FLVCR2: variants seen among roughly 807,000 people sequenced by gnomAD.
FLVCR2 encodes the protein choline/ethanolamine transporter FLVCR2.
A neutral mutation model predicts 48.9 loss-of-function variants in FLVCR2; 38 were observed. The observed-to-expected ratio is 0.78, with a 90% confidence interval of 0.60 to 1.02. FLVCR2 has a LOEUF of 1.02. Ranked by LOEUF, FLVCR2 falls within the 50% of genes least tolerant of loss-of-function variation. FLVCR2 has a pLI of 0.00. For missense variants in FLVCR2, 664 were observed against 663.3 expected, an observed-to-expected ratio of 1.00 and a Z score of -0.01; for synonymous variants, 255 against 257.0, an observed-to-expected ratio of 0.99 and a Z score of 0.07.
intron 1 of FLVCR2, among the ~76,000 whole-genome samples, chr14:75,583,393 C>CT (rs1888660486): frequency 6.6e-6 from 1 of 152,070 alleles, no homozygotes; most frequent in Non-Finnish European, 1.5e-5. Flanking sequence ...GGCTTTAATC[C>CT]TTTTAAAGCA....
rs370392569 is a variant in FLVCR2 at position 75,588,574 on chromosome 14, C to G, written c.669+8933C>G. ...CTTGGCTCACTGCAATCTCCACTTC[C>G]CGATTCAAGCAATTCTGCCTCAGCC... On this transcript the variant is annotated intron_variant, in intron 1 of 9. Coordinates refer to ENST00000238667, the MANE Select transcript of FLVCR2 (RefSeq NM_017791.3). Among the ~76,000 whole-genome samples, 3 of 152,242 alleles carry G rather than the reference C, an allele frequency of 2.0e-5. No individual in the cohort carries two copies. In the South Asian group the frequency reaches 6.2e-4, roughly 32 times the overall value.
At chr14:75,588,555 T>A (rs1384128703) in intron 1 of FLVCR2, among the ~76,000 whole-genome samples, 3 of 152,198 alleles carry the variant, frequency 2.0e-5, no homozygotes. Flanking sequence ...GCATCTTGGC[T>A]CACTGCAATC....
chr14:75,580,535 C>G (rs1364967391), intron 1 of FLVCR2, among the ~76,000 whole-genome samples: 1 of 152,228 alleles, frequency 6.6e-6, no homozygotes, highest in African/African-American at 2.4e-5. Context: ...ACCAAACAGG[C>G]TTTGTGTGAG....
chr14:75,633,248 G>C (rs961220216), intron 3 of FLVCR2, among the ~76,000 whole-genome samples: 2 of 152,152 alleles, frequency 1.3e-5, no homozygotes, highest in African/African-American at 4.8e-5. Flanking sequence ...AAGGGGCAGG[G>C]TCATCAGGAA....
chr14:75,589,287 A>G (rs550473250), intron 1 of FLVCR2, among the ~76,000 whole-genome samples: 1 of 152,376 alleles, frequency 6.6e-6, no homozygotes, highest in African/African-American at 2.4e-5. Flanking sequence ...GATAGGATAG[A>G]CATTCACACA....
chr14:75,633,606 G>A (rs199607525), intron 3 of FLVCR2, 23 bp from the exon 4 acceptor site: 1 of 1,603,578 alleles, frequency 6.2e-7, no homozygotes, highest in Non-Finnish European at 8.5e-7. Flanking sequence ...CCCTAATGTT[G>A]TATTTCTCGC....
Position 75,641,215 on chromosome 14 carries a change from C to A in FLVCR2, c.1375C>A (p.Gln459Lys). The A allele has an allele frequency of 6.2e-7, 1 of 1,613,946 alleles. No homozygotes were observed. Among genetic ancestry groups the A allele is most frequent in the Non-Finnish European group, 8.5e-7 (1 of 1,179,860 alleles). Residue 459 changes from glutamine (Q) to lysine (K), a missense_variant, in exon 8 of 10, where the codon CAG (glutamine) becomes AAG (lysine). Coordinates refer to ENST00000238667, the MANE Select transcript of FLVCR2 (RefSeq NM_017791.3). ...FGIIFTISQG[Q>K]IIDNYGTKPG... ...GATCATCTTTACCATCTCCCAGGGC[C>A]AGATTATTGACAACTATGGAACCAA...
At chr14:75,609,404 A>G (rs899332998) in intron 1 of FLVCR2, among the ~76,000 whole-genome samples, 1 of 152,190 alleles carries the variant, frequency 6.6e-6, no homozygotes, top group African/African-American at 2.4e-5. Context: ...GGCCAGATCT[A>G]ATGGTGCTGC....
chr14:75,643,204 A>G (rs1323170346), intron 9 of FLVCR2, among the ~76,000 whole-genome samples: 1 of 152,244 alleles, frequency 6.6e-6, no homozygotes, highest in Admixed American at 6.5e-5. Flanking sequence ...CTTTATACGG[A>G]TAAGCCATGA....
intron 1 of FLVCR2, among the ~76,000 whole-genome samples, chr14:75,589,198 A>G (rs937320426): frequency 2.0e-5 from 3 of 152,040 alleles, no homozygotes; most frequent in Admixed American, 2.0e-4. Flanking sequence ...CCTTGGTGAC[A>G]GAGAGAGAGA....
Position 75,578,992 on chromosome 14 carries a change from A to T in FLVCR2, c.20A>T (p.Asn7Ile), listed in dbSNP as rs927307658. The T allele has an allele frequency of 6.2e-7, 1 of 1,614,090 alleles. No individual in the cohort carries two copies. The highest frequency in any genetic ancestry group is 8.5e-7 in the Non-Finnish European group (1 of 1,179,974). The stretch of plus-strand genomic sequence containing the variant: ...GTGGCGATGGTGAATGAAGGTCCCA[A>T]CCAGGAAGAGAGCGATGACACCCCT... MVNEGP[N>I]QEESDDTPVP... The change falls in exon 1 of 10, where the codon AAC becomes ATC. Residue 7 changes from asparagine (N) to isoleucine (I), a missense_variant. By Grantham distance (149) the Asn-to-Ile change is moderately radical. Transcript: ENST00000238667.
chr14:75,624,125 G>A (rs1220505064), intron 2 of FLVCR2, among the ~76,000 whole-genome samples: 2 of 152,134 alleles, frequency 1.3e-5, no homozygotes, highest in Non-Finnish European at 2.9e-5. Context: ...ACTATGGGGG[G>A]CTGAGGCATG....
At position 75,578,633 on chromosome 14, in the gene FLVCR2, G is replaced by A. The variant is rs1357402231; in HGVS notation, c.-340G>A. 7.6e-6 allele frequency: 3 copies of A among 393,136 alleles called. No homozygotes were observed. The highest frequency in any genetic ancestry group is 1.4e-5 in the Non-Finnish European group (3 of 209,524). The allele number at this position is 393,136 out of a possible 1,614,324, so 24.4% of individuals were successfully genotyped here. A position where few individuals can be genotyped will look rare whatever the true frequency, so the allele number is the denominator to read the frequency against. ...AGCTGGCCCGGGAGAGGACTCTGCG[G>A]GCGAAGTGGCTGCGCAAGGAGAGAA... On this transcript the variant is annotated 5_prime_UTR_variant, in exon 1 of 10. Transcript: ENST00000238667.
intron 3 of FLVCR2, among the ~76,000 whole-genome samples, chr14:75,626,803 C>A (rs1396389671): frequency 6.6e-6 from 1 of 151,924 alleles, no homozygotes; most frequent in Non-Finnish European, 1.5e-5. Flanking sequence ...TTTACTTTCG[C>A]TAGAGTTGGA....
At chr14:75,627,733 G>C (rs570815024) in intron 3 of FLVCR2, among the ~76,000 whole-genome samples, 2 of 152,226 alleles carry the variant, frequency 1.3e-5, no homozygotes, top group Admixed American at 6.5e-5. Context: ...CAATGGCACT[G>C]CTTAACATTG....
intron 1 of FLVCR2, among the ~76,000 whole-genome samples, chr14:75,620,420 T>G (rs1309815951): frequency 6.6e-6 from 1 of 152,214 alleles, no homozygotes; most frequent in Non-Finnish European, 1.5e-5. Context: ...CCTCAACAAG[T>G]CACAGAGCTC....
chr14:75,619,943 T>C (rs1889722327), intron 1 of FLVCR2, among the ~76,000 whole-genome samples: 1 of 152,200 alleles, frequency 6.6e-6, no homozygotes, highest in Admixed American at 6.5e-5. Flanking sequence ...GAAGATTAAC[T>C]GAGAATTAAG....
intron 1 of FLVCR2, among the ~76,000 whole-genome samples, chr14:75,607,717 G>A (rs906687768): frequency 6.6e-6 from 1 of 152,036 alleles, no homozygotes; most frequent in African/African-American, 2.4e-5. Context: ...GGATGTGTAG[G>A]TGCCTTGAAA....
In FLVCR2 at chr14:75,622,117, G is replaced by A. The variant is rs1247198676; in HGVS notation, c.708G>A (p.Leu236=). 8 of 1,614,006 alleles carry A rather than the reference G, an allele frequency of 5.0e-6. No homozygotes were observed. Among genetic ancestry groups the A allele is most frequent in the Non-Finnish European group, 6.8e-6 (8 of 1,180,004 alleles). ...IAIGFLVPPV[L]VPNIEDRDEL... ...TTGGGTTCTTGGTCCCTCCTGTTTT[G>A]GTACCCAACATTGAAGACCGGGACG... The change falls in exon 2 of 10, where the codon TTG becomes TTA. Residue 236 remains leucine, a synonymous_variant. Transcript: ENST00000238667.
Sources: allele counts gnomAD v4.1 joint callset (sites outside exome capture counted in the v4.1 genomes callset), GRCh38; gene constraint gnomAD v4.1.1; transcripts MANE v1.5; gene names NCBI Gene and HGNC (gene_info 2026-07-23, HGNC 2026-07-21).